ADK: variants seen among roughly 807,000 people sequenced by gnomAD.
ADK encodes the protein adenosine kinase.
In ADK, 24 loss-of-function variants were observed where a neutral mutation model predicts 44.7. That is an observed-to-expected ratio of 0.54 (90% confidence interval 0.39 to 0.76). ADK has a LOEUF of 0.76. Among genes scored for constraint, ADK ranks in the 30% least tolerant of loss-of-function variants. ADK has a pLI of 0.00. For synonymous variants in ADK, 128 were observed against 142.6 expected, an observed-to-expected ratio of 0.90 and a Z score of 0.73; for missense variants, 321 against 425.1, an observed-to-expected ratio of 0.76 and a Z score of 2.15.
At chr10:74,298,891 G>A (rs985122724) in intron 3 of ADK, among the ~76,000 whole-genome samples, 1 of 152,100 alleles carries the variant, frequency 6.6e-6, no homozygotes, top group Non-Finnish European at 1.5e-5. Context: ...TTCAGCCTGG[G>A]GAGCATAGCA....
chr10:74,304,187 C>T (rs1277664486), intron 3 of ADK, among the ~76,000 whole-genome samples: 1 of 151,168 alleles, frequency 6.6e-6, no homozygotes, highest in East Asian at 1.9e-4. Flanking sequence ...TATCAAGTGT[C>T]TTACAAGTAT....
chr10:74,176,501 G>C, intron 1 of ADK: 5 of 1,179,136 alleles, frequency 4.2e-6, no homozygotes, highest in Non-Finnish European at 5.3e-6. Flanking sequence ...GCCATTTTTG[G>C]GGCGGGCACC....
chr10:74,618,549 A>G (rs890352997), intron 9 of ADK, among the ~76,000 whole-genome samples: 14 of 152,300 alleles, frequency 9.2e-5, no homozygotes, highest in African/African-American at 3.1e-4. Context: ...TCGGCCTCCC[A>G]AAGTGCTGGG....
At chr10:74,660,305 AT>A (rs1398526359) in intron 9 of ADK, among the ~76,000 whole-genome samples, 1 of 151,820 alleles carries the variant, frequency 6.6e-6, no homozygotes. Context: ...GTTTTTTTGT[AT>A]TTTTTTGTAG....
chr10:74,529,725 G>A (rs564146105), intron 7 of ADK, among the ~76,000 whole-genome samples: 7 of 152,094 alleles, frequency 4.6e-5, no homozygotes, highest in African/African-American at 1.2e-4. Context: ...ATTTGAATTC[G>A]CTTCAAGAGG....
rs368894706 is a variant in ADK at position 74,488,841 on chromosome 10, T to C, written c.556-36415T>C. Among the ~76,000 whole-genome samples the C allele has an allele frequency of 6.2e-4, 95 of 152,036 alleles. 1 individual carries two copies. In the South Asian group the frequency reaches 1.0e-2, roughly 16 times the overall value. ...TGAGTAGCTAATCTTAGAGGCGCTC[T>C]ATTGAGATTGTCCAGATTCCAACCC... On this transcript the variant is annotated intron_variant, in intron 6 of 10. Coordinates refer to ENST00000539909, the MANE Select transcript of ADK (RefSeq NM_006721.4).
chr10:74,188,497 C>T (rs1489977597), intron 1 of ADK, among the ~76,000 whole-genome samples: 7 of 151,442 alleles, frequency 4.6e-5, no homozygotes, highest in African/African-American at 1.5e-4. Flanking sequence ...TACCGGCACC[C>T]GCCACCACAC....
intron 6 of ADK, among the ~76,000 whole-genome samples, chr10:74,415,588 A>G (rs1172449961): frequency 6.6e-6 from 1 of 152,128 alleles, no homozygotes; most frequent in African/African-American, 2.4e-5. Context: ...AATCTTTCTT[A>G]TCAGCTTTTA....
chr10:74,497,782 A>G (rs1192188497), intron 6 of ADK, among the ~76,000 whole-genome samples: 1 of 152,212 alleles, frequency 6.6e-6, no homozygotes, highest in Admixed American at 6.5e-5. Flanking sequence ...ACTGCACGTC[A>G]GCCTGAGCAA....
chr10:74,355,498 A>G (rs1424029472), intron 4 of ADK, among the ~76,000 whole-genome samples: 1 of 152,218 alleles, frequency 6.6e-6, no homozygotes, highest in Admixed American at 6.5e-5. Context: ...CCCTTTTGGG[A>G]TAGTGGTTGT....
intron 8 of ADK, among the ~76,000 whole-genome samples, chr10:74,595,689 ACAGATT>A (rs756955098): frequency 1 from 123,695 of 123,736 alleles, 61,831 homozygotes; most frequent in Middle Eastern, 1. Context: ...TATCAGTTCA[ACAGATT>A]AAAAAAATAG....
chr10:74,515,057 G>A (rs74514055), intron 6 of ADK, among the ~76,000 whole-genome samples: 12 of 152,162 alleles, frequency 7.9e-5, no homozygotes, highest in East Asian at 5.8e-4. Context: ...GCTTTTTCAC[G>A]GTTGATGTGT....
rs546315571 is a variant in ADK, at chr10:74,493,937, A to G, written c.556-31319A>G. 1.7e-4 allele frequency among the ~76,000 whole-genome samples: 26 copies of G among 152,166 alleles called. No individual in the cohort carries two copies. In the South Asian group the frequency reaches 5.0e-3, roughly 29 times the overall value. On this transcript the variant is annotated intron_variant, in intron 6 of 10. Coordinates refer to ENST00000539909, the MANE Select transcript of ADK (RefSeq NM_006721.4). ...TTTGGTTATTTAATGCAGAAAATAT[A>G]TTTGCAGTGTACTTCATATGATATG...
chr10:74,459,294 A>AG (rs1846070758), intron 6 of ADK, among the ~76,000 whole-genome samples: 2 of 152,018 alleles, frequency 1.3e-5, no homozygotes, highest in East Asian at 1.9e-4. Flanking sequence ...AAAAAAAAAA[A>AG]TTTATTTCCA....
At position 74,153,173 on chromosome 10, in the gene ADK, G is replaced by A. The variant is rs145272502; in HGVS notation, c.65+1830G>A. ...CAAATAATGAGATATATTTGTAGAT[G>A]TCAGGAAAAATATTTAGATTTAGGG... On this transcript the variant is annotated intron_variant, in intron 1 of 10. Coordinates refer to ENST00000539909, the MANE Select transcript of ADK (RefSeq NM_006721.4). Among the ~76,000 whole-genome samples, 495 of 152,326 alleles carry A rather than the reference G, an allele frequency of 3.2e-3. 1 individual carries two copies. The highest frequency in any genetic ancestry group is 0.011 in the African/African-American group (458 of 41,564).
chr10:74,382,355 TC>T (rs1842998609), intron 4 of ADK, among the ~76,000 whole-genome samples: 1 of 152,208 alleles, frequency 6.6e-6, no homozygotes, highest in Non-Finnish European at 1.5e-5. Context: ...GGCCTCAGCC[TC>T]CCAAAATGCT....
chr10:74,300,355 CTTCCTTTCTTTCT>C (rs1839986199), intron 3 of ADK, among the ~76,000 whole-genome samples: 1 of 64,896 alleles, frequency 1.5e-5, no homozygotes, highest in Non-Finnish European at 4.1e-5. Context: ...TCCTTCCTTC[CTTCCTTTCTTTCT>C]TTCTTCTTTG....
chr10:74,458,326 C>G (rs1174829748), intron 6 of ADK, among the ~76,000 whole-genome samples: 1 of 117,826 alleles, frequency 8.5e-6, no homozygotes, highest in African/African-American at 3.2e-5. Flanking sequence ...TTTGCAGAGA[C>G]AGGGGGTTTT....
intron 4 of ADK, among the ~76,000 whole-genome samples, chr10:74,390,158 CT>C (rs1332559850): frequency 2.0e-5 from 3 of 151,952 alleles, no homozygotes; most frequent in Non-Finnish European, 4.4e-5. Context: ...CAGAAATTTT[CT>C]GCTAAATTTA....
Sources: allele counts gnomAD v4.1 joint callset (sites outside exome capture counted in the v4.1 genomes callset), GRCh38; gene constraint gnomAD v4.1.1; transcripts MANE v1.5; gene names NCBI Gene and HGNC (gene_info 2026-07-23, HGNC 2026-07-21).